The following ATP8A1 variants were observed in gnomAD, a reference collection of about 807,000 sequenced individuals.
ATP8A1 encodes phospholipid-transporting ATPase IA.
In ATP8A1, 90 loss-of-function variants were observed where a neutral mutation model predicts 177.7. That is an observed-to-expected ratio of 0.51 (90% CI 0.43 to 0.60). The LOEUF (loss-of-function observed/expected upper bound fraction) is 0.60, where lower values mean the gene tolerates loss of function less well. Among genes scored for constraint, ATP8A1 ranks in the 20% least tolerant of loss-of-function variants. The pLI, the probability that ATP8A1 is intolerant of heterozygous loss-of-function variation, is 0.00. For missense variants in ATP8A1, 1,072 were observed against 1,392.8 expected, an observed-to-expected ratio of 0.77 and a Z score of 3.67; for synonymous variants, 493 against 485.9, an observed-to-expected ratio of 1.01 and a Z score of -0.19.
intron 6 of ATP8A1, chr4:42,594,259 C>T: frequency 7.2e-7 from 1 of 1,381,426 alleles, no homozygotes; most frequent in Non-Finnish European, 1.0e-6. Context: ...CCATCCTCTA[C>T]ACTGTTTGAG....
At chr4:42,481,144 G>C (rs1274594173) in intron 25 of ATP8A1, among the ~76,000 whole-genome samples, 1 of 152,154 alleles carries the variant, frequency 6.6e-6, no homozygotes, top group African/African-American at 2.4e-5. Context: ...CTTCTGGAGG[G>C]AATATTAAAA....
chr4:42,467,930 G>A (rs1338221885), intron 25 of ATP8A1, among the ~76,000 whole-genome samples: 3 of 152,104 alleles, frequency 2.0e-5, no homozygotes, highest in African/African-American at 7.2e-5. Context: ...AGATTGTGAA[G>A]ATTTTCTTCC....
At chr4:42,456,354 T>C (rs888232066) in intron 27 of ATP8A1, among the ~76,000 whole-genome samples, 1 of 152,150 alleles carries the variant, frequency 6.6e-6, no homozygotes, top group Non-Finnish European at 1.5e-5. Context: ...TACATGAGTC[T>C]TCTTAATAGT....
chr4:42,464,507 C>T (rs562201309), intron 27 of ATP8A1, among the ~76,000 whole-genome samples, 183 bp downstream of exon 27: 271 of 152,198 alleles, frequency 1.8e-3, no homozygotes, highest in African/African-American at 6.0e-3. Flanking sequence ...TCAAGTGATC[C>T]GCCTATCTCG....
rs150057003 is a variant in ATP8A1 at position 42,629,765 on chromosome 4, G to A, written c.50-2656C>T. Among the ~76,000 whole-genome samples, 335 of 152,318 alleles carry A rather than the reference G, an allele frequency of 2.2e-3. 2 individuals are homozygous for A. The highest frequency in any genetic ancestry group is 7.3e-3 in the African/African-American group (304 of 41,562). On this transcript the variant is annotated intron_variant, in intron 1 of 36. Transcript: ENST00000381668. ...GATCCTCAGGAATATTCTGATGAAG[G>A]TACCTGGGAAAAAGACTAGCATTTT...
At chr4:42,581,233 A>C (rs1458511296) in intron 10 of ATP8A1, among the ~76,000 whole-genome samples, 1 of 151,880 alleles carries the variant, frequency 6.6e-6, no homozygotes, top group Non-Finnish European at 1.5e-5. Context: ...TCCTGGATTC[A>C]CGCCATTCTC....
chr4:42,592,283 T>A (rs968589199), intron 6 of ATP8A1, among the ~76,000 whole-genome samples: 1 of 152,164 alleles, frequency 6.6e-6, no homozygotes, highest in African/African-American at 2.4e-5. Flanking sequence ...TTGAAATTCA[T>A]AGCCACCAGT....
chr4:42,538,059 T>A (rs1728022674), intron 20 of ATP8A1, among the ~76,000 whole-genome samples: 1 of 152,050 alleles, frequency 6.6e-6, no homozygotes, highest in African/African-American at 2.4e-5. Context: ...GGTAGTGGTA[T>A]AAAAATAGGC....
At chr4:42,522,733 T>G (rs1334770095) in intron 21 of ATP8A1, among the ~76,000 whole-genome samples, 1 of 152,238 alleles carries the variant, frequency 6.6e-6, no homozygotes, top group Non-Finnish European at 1.5e-5. Flanking sequence ...TTCTCCATTC[T>G]GCTTTTCCCA....
intron 9 of ATP8A1, among the ~76,000 whole-genome samples, chr4:42,582,403 A>T (rs1733183823): frequency 1.3e-5 from 2 of 152,104 alleles, no homozygotes; most frequent in African/African-American, 4.8e-5. Flanking sequence ...AAATAAGTCC[A>T]TTTAGATTTC....
chr4:42,568,319 T>C (rs1477636121), intron 15 of ATP8A1, among the ~76,000 whole-genome samples: 1 of 152,216 alleles, frequency 6.6e-6, no homozygotes, highest in African/African-American at 2.4e-5. Flanking sequence ...GACTTCAAAG[T>C]ATATTGAAAA....
chr4:42,529,127 C>T (rs374891722), intron 20 of ATP8A1, among the ~76,000 whole-genome samples: 4 of 152,178 alleles, frequency 2.6e-5, no homozygotes, highest in Admixed American at 6.5e-5. Context: ...GGGTCCAGAA[C>T]GGACACAGGT....
At chr4:42,592,344 T>G (rs1734265355) in intron 6 of ATP8A1, among the ~76,000 whole-genome samples, 1 of 152,186 alleles carries the variant, frequency 6.6e-6, no homozygotes, top group Non-Finnish European at 1.5e-5. Flanking sequence ...GTCTAAAGTT[T>G]AAGAAATACA....
At chr4:42,597,243 T>A (rs1442274312) in intron 6 of ATP8A1, among the ~76,000 whole-genome samples, 1 of 152,218 alleles carries the variant, frequency 6.6e-6, no homozygotes, top group Non-Finnish European at 1.5e-5. Context: ...CCTTGGCATG[T>A]AGACGACACT....
chr4:42,524,323 G>A (rs563206817), intron 21 of ATP8A1, among the ~76,000 whole-genome samples: 11 of 152,126 alleles, frequency 7.2e-5, no homozygotes, highest in East Asian at 1.9e-4. Flanking sequence ...TAATAGTTAC[G>A]TAAGTTTTTA....
In ATP8A1 at chr4:42,619,423, A is replaced by G. The variant is rs529275582; in HGVS notation, c.364-3345T>C. On this transcript the variant is annotated intron_variant, in intron 4 of 36. Transcript: ENST00000381668. Reference sequence around the variant, plus strand: ...CATTTAGCATAATACAGCTTTTTAGAAGAGAGTTCTCCATCAATTTTAGAG... The same window carrying G: ...CATTTAGCATAATACAGCTTTTTAGGAGAGAGTTCTCCATCAATTTTAGAG... 6.6e-5 allele frequency among the ~76,000 whole-genome samples: 10 copies of G among 152,270 alleles called. No individual in the cohort carries two copies. In the South Asian group the frequency reaches 2.1e-3, roughly 32 times the overall value.
At chr4:42,641,900 T>C (rs768388049) in intron 1 of ATP8A1, among the ~76,000 whole-genome samples, 1 of 152,204 alleles carries the variant, frequency 6.6e-6, no homozygotes, top group Non-Finnish European at 1.5e-5. Flanking sequence ...TGCTGCTACA[T>C]TAATCTCAGA....
intron 6 of ATP8A1, among the ~76,000 whole-genome samples, chr4:42,598,289 T>TA (rs1369750750): frequency 6.6e-6 from 1 of 152,232 alleles, no homozygotes; most frequent in Non-Finnish European, 1.5e-5. Context: ...AGCAATTCTT[T>TA]AAAAAATAAT....
chr4:42,494,349 C>T (rs1199712202), intron 24 of ATP8A1, among the ~76,000 whole-genome samples: 1 of 151,782 alleles, frequency 6.6e-6, no homozygotes, highest in East Asian at 1.9e-4. Context: ...ATGACAGGTG[C>T]CTGTAATCCC....
Sources: allele counts gnomAD v4.1 joint callset (sites outside exome capture counted in the v4.1 genomes callset), GRCh38; gene constraint gnomAD v4.1.1; transcripts MANE v1.5; gene names NCBI Gene and HGNC (gene_info 2026-07-23, HGNC 2026-07-21).